DLG2: variants seen among roughly 807,000 people sequenced by gnomAD.
The protein encoded by DLG2 is discs large MAGUK scaffold protein 2.
DLG2 carries 45 observed loss-of-function variants against 132.5 expected under a neutral mutation model. The ratio of observed to expected loss-of-function variants is 0.34; its 90% CI spans 0.27 to 0.44. The LOEUF (loss-of-function observed/expected upper bound fraction) is 0.44, where lower values mean the gene tolerates loss of function less well. Among genes scored for constraint, DLG2 ranks in the 20% least tolerant of loss-of-function variants. The probability of loss-of-function intolerance (pLI) is 1.00; values close to 1 mark genes in which losing one functional copy is unlikely to be tolerated. For synonymous variants in DLG2, 424 were observed against 419.6 expected (o/e 1.01, Z -0.13); for missense variants, 1,045 against 1,196.9 (o/e 0.87, Z 1.87).
chr11:83,874,333 G>A, intron 16 of DLG2, 87 bp downstream of exon 16: 2 of 874,720 alleles, frequency 2.3e-6, no homozygotes, highest in South Asian at 5.9e-5. Context: ...GGGAGGGAAG[G>A]AGAAAGAGAG....
rs972110415 is a variant in DLG2 at position 83,634,990 on chromosome 11, C to T, written c.1826-1665G>A. On this transcript the variant is annotated intron_variant, in intron 18 of 27. Transcript: ENST00000376104. ...AATAAGTAGAACACATATTTAACAA[C>T]ATATTTAAGGTAAAAATCTATTGAC... Among the ~76,000 whole-genome samples, 27 of 152,100 alleles carry T rather than the reference C, an allele frequency of 1.8e-4. 1 individual carries two copies. Among genetic ancestry groups the T allele is most frequent in the Admixed American group, 1.6e-3 (24 of 15,276 alleles).
intron 6 of DLG2, among the ~76,000 whole-genome samples, chr11:84,942,727 G>C (rs1052949730): frequency 6.6e-6 from 1 of 152,146 alleles, no homozygotes; most frequent in South Asian, 2.1e-4. Flanking sequence ...CTGTAAACGT[G>C]TATTAGGTCC....
chr11:83,493,022 C>G (rs11233641), intron 21 of DLG2, among the ~76,000 whole-genome samples: 49,619 of 152,040 alleles, frequency 0.33, 8,347 homozygotes, highest in Middle Eastern at 0.45. Context: ...TGGAAAGGCT[C>G]TCCATAATCC....
intron 11 of DLG2, among the ~76,000 whole-genome samples, chr11:84,041,437 A>T (rs1054018020): frequency 9.2e-5 from 14 of 151,938 alleles, no homozygotes; most frequent in African/African-American, 3.4e-4. Context: ...AGCCTCTTTT[A>T]CCACACCTCC....
intron 6 of DLG2, among the ~76,000 whole-genome samples, chr11:84,933,165 T>A (rs2048301641): frequency 6.6e-6 from 1 of 152,074 alleles, no homozygotes; most frequent in South Asian, 2.1e-4. Flanking sequence ...TTTGTCAGCT[T>A]TGTTGAAGAT....
chr11:83,950,969 G>A (rs2154147007), intron 14 of DLG2, among the ~76,000 whole-genome samples: 1 of 151,918 alleles, frequency 6.6e-6, no homozygotes, highest in Admixed American at 6.6e-5. Context: ...TTACACACTG[G>A]CAAATATTTG....
chr11:84,779,271 C>A (rs11828971), intron 6 of DLG2, among the ~76,000 whole-genome samples: 21,379 of 151,744 alleles, frequency 0.14, 1,711 homozygotes, highest in African/African-American at 0.22. Flanking sequence ...TCTGGAGAAC[C>A]CTAATATAAC....
Position 84,480,021 on chromosome 11 carries a change from T to C in DLG2, c.519+54549A>G, listed in dbSNP as rs147786145. Among the ~76,000 whole-genome samples the C allele has an allele frequency of 4.6e-5, 7 of 152,268 alleles. No individual in the cohort carries two copies. The East Asian group carries it at 1.4e-3, about 29-fold the overall frequency. On this transcript the variant is annotated intron_variant, in intron 7 of 27. Coordinates refer to ENST00000376104, the MANE Select transcript of DLG2 (RefSeq NM_001142699.3). ...CTTTATTTCCCTTGTTTCTTAAATA[T>C]GTATATTTCATAAAAACTCAGACTC...
At chr11:84,331,554 T>C (rs1355458633) in intron 7 of DLG2, among the ~76,000 whole-genome samples, 1 of 93,096 alleles carries the variant, frequency 1.1e-5, no homozygotes, top group Non-Finnish European at 2.1e-5. Flanking sequence ...TCAAACTTGA[T>C]GGAGGAGGTG....
chr11:83,547,454 G>C (rs1281057245), intron 19 of DLG2, among the ~76,000 whole-genome samples: 1 of 152,088 alleles, frequency 6.6e-6, no homozygotes, highest in African/African-American at 2.4e-5. Context: ...GGAAGAGGAA[G>C]ACAAAAGAAT....
intron 11 of DLG2, among the ~76,000 whole-genome samples, chr11:83,982,784 T>C (rs2092910097): frequency 6.6e-6 from 1 of 152,146 alleles, no homozygotes; most frequent in Non-Finnish European, 1.5e-5. Context: ...GTCCTATAGG[T>C]TCCACTCATG....
At chr11:85,332,070 A>G (rs996784941) in intron 3 of DLG2, among the ~76,000 whole-genome samples, 1 of 152,208 alleles carries the variant, frequency 6.6e-6, no homozygotes, top group African/African-American at 2.4e-5. Context: ...GAACTAATTT[A>G]TACTCACACC....
intron 6 of DLG2, among the ~76,000 whole-genome samples, chr11:84,578,318 C>T (rs185388550): frequency 0.016 from 2,367 of 152,222 alleles, 26 homozygotes; most frequent in Non-Finnish European, 0.025. Flanking sequence ...GGTAGATCCA[C>T]CGACAGCTTG....
At chr11:83,993,668 A>G (rs1384693941) in intron 11 of DLG2, among the ~76,000 whole-genome samples, 3 of 152,156 alleles carry the variant, frequency 2.0e-5, no homozygotes, top group African/African-American at 7.2e-5. Flanking sequence ...AATATCCTCC[A>G]AGCTTCCATC....
intron 3 of DLG2, among the ~76,000 whole-genome samples, chr11:85,564,950 C>A (rs1281463260): frequency 6.6e-6 from 1 of 151,904 alleles, no homozygotes; most frequent in Non-Finnish European, 1.5e-5. Context: ...GTGAACAGGT[C>A]TTGATTTTGT....
chr11:85,092,712 G>A (rs557363086), intron 6 of DLG2, among the ~76,000 whole-genome samples: 7 of 150,206 alleles, frequency 4.7e-5, no homozygotes, highest in South Asian at 2.1e-4. Flanking sequence ...ACACGATCTC[G>A]GCTCACTACA....
chr11:85,116,829 A>G (rs1204626688), intron 5 of DLG2, among the ~76,000 whole-genome samples: 1 of 152,030 alleles, frequency 6.6e-6, no homozygotes, highest in Admixed American at 6.6e-5. Context: ...AATGTAATAT[A>G]ATGCTGGTAT....
intron 25 of DLG2, among the ~76,000 whole-genome samples, chr11:83,467,804 TATATATAC>T (rs1310901886): frequency 1.6e-4 from 16 of 99,942 alleles, no homozygotes; most frequent in African/African-American, 4.3e-4. Flanking sequence ...TATATATATA[TATATATAC>T]ACACACACAT....
At chr11:83,516,763 T>G (rs1394017721) in intron 21 of DLG2, among the ~76,000 whole-genome samples, 1 of 152,230 alleles carries the variant, frequency 6.6e-6, no homozygotes, top group African/African-American at 2.4e-5. Flanking sequence ...GTAAAGTATT[T>G]TATTTCTCCT....
Sources: allele counts gnomAD v4.1 joint callset (sites outside exome capture counted in the v4.1 genomes callset), GRCh38; gene constraint gnomAD v4.1.1; transcripts MANE v1.5; gene names NCBI Gene and HGNC (gene_info 2026-07-23, HGNC 2026-07-21).